SESN1: variants seen among roughly 807,000 people sequenced by gnomAD.
SESN1 encodes sestrin 1, also known as sestrin-1.
A neutral mutation model predicts 59.3 loss-of-function variants in SESN1; 30 were observed. The ratio of observed to expected loss-of-function variants is 0.51; its 90% CI spans 0.38 to 0.69. The LOEUF (loss-of-function observed/expected upper bound fraction) is 0.69, where lower values mean the gene tolerates loss of function less well. SESN1 is among the 30% of genes least tolerant of loss of function. The pLI is 0.00. For synonymous variants in SESN1, 197 were observed against 219.9 expected (o/e 0.90, Z 0.92); for missense variants, 566 against 673.0 (o/e 0.84, Z 1.76).
intron 1 of SESN1, among the ~76,000 whole-genome samples, chr6:109,089,059 A>ATT (rs573316211): frequency 3.4e-4 from 49 of 144,510 alleles, no homozygotes; most frequent in Admixed American, 3.0e-3. Context: ...CAATGTGTCC[A>ATT]TTTTTTTTTT....
Position 108,994,449 on chromosome 6 carries a change from T to C in SESN1, c.1120+13A>G, listed in dbSNP as rs781671854. 3.9e-5 allele frequency: 63 copies of C among 1,603,832 alleles called. No homozygotes were observed. The highest frequency in any genetic ancestry group is 5.3e-5 in the Non-Finnish European group (62 of 1,174,060). ...TGCAATAATTATATTGACTATATAA[T>C]GGTTGTTCTTACCTGAAGAGAAGAC... On this transcript the variant is annotated intron_variant, in intron 6 of 9. Coordinates refer to ENST00000436639, the MANE Select transcript of SESN1 (RefSeq NM_014454.3).
intron 2 of SESN1, 59 bp from the exon 3 acceptor site, chr6:109,001,547 A>C: frequency 7.2e-7 from 1 of 1,398,018 alleles, no homozygotes. Context: ...AAGGGAAGAA[A>C]ATATACATGC....
chr6:109,002,388 A>T (rs1309692849), intron 1 of SESN1, 45 bp from the exon 2 acceptor site: 4 of 1,480,002 alleles, frequency 2.7e-6, no homozygotes, highest in Middle Eastern at 3.4e-4. Flanking sequence ...GCAGTAAACA[A>T]AATGAACTGA....
chr6:109,087,765 G>A (rs1449950338), intron 1 of SESN1, among the ~76,000 whole-genome samples: 3 of 152,086 alleles, frequency 2.0e-5, no homozygotes, highest in African/African-American at 7.2e-5. Context: ...TCTCCAATCT[G>A]TTATATTTTA....
chr6:109,020,189 T>C (rs1255127631), intron 1 of SESN1, among the ~76,000 whole-genome samples: 1 of 152,210 alleles, frequency 6.6e-6, no homozygotes, highest in Non-Finnish European at 1.5e-5. Context: ...CTTCTTTTTT[T>C]CTTTTTTTTA....
chr6:108,992,912 G>C lies in SESN1; in HGVS notation c.1121-13C>G. 6.5e-7 allele frequency: 1 copy of C among 1,550,248 alleles called. No individual in the cohort carries two copies. The highest frequency in any genetic ancestry group is 8.9e-7 in the Non-Finnish European group (1 of 1,124,772). On this transcript the variant is annotated splice_polypyrimidine_tract_variant and intron_variant, in intron 6 of 9. Coordinates refer to ENST00000436639, the MANE Select transcript of SESN1 (RefSeq NM_014454.3). ...ACTTCTTCATCATCTGGGAAAAAAG[G>C]CCATTGAAAGGTTTTTAAAAATAGG...
chr6:109,040,874 A>C (rs1011526969), intron 1 of SESN1, among the ~76,000 whole-genome samples: 3 of 151,844 alleles, frequency 2.0e-5, no homozygotes, highest in Non-Finnish European at 4.4e-5. Context: ...GGATGGTCTC[A>C]ATCTCCTGAC....
intron 1 of SESN1, among the ~76,000 whole-genome samples, chr6:109,051,551 GA>G (rs1780542348): frequency 6.6e-6 from 1 of 152,132 alleles, no homozygotes; most frequent in African/African-American, 2.4e-5. Context: ...TCTAAAGTAT[GA>G]AAAACACTTA....
chr6:109,009,052 TTTAC>T, intron 1 of SESN1: 1 of 951,622 alleles, frequency 1.1e-6, no homozygotes, highest in Non-Finnish European at 1.3e-6. Context: ...GACAATGTTA[TTTAC>T]GTATTGGAGA....
intron 1 of SESN1, among the ~76,000 whole-genome samples, chr6:109,061,378 T>C (rs1171307299): frequency 2.0e-5 from 3 of 152,228 alleles, no homozygotes; most frequent in African/African-American, 7.2e-5. Context: ...ATTTTAAATT[T>C]TGAACACTTT....
chr6:109,080,653 T>C (rs1781106083), intron 1 of SESN1, among the ~76,000 whole-genome samples: 1 of 152,222 alleles, frequency 6.6e-6, no homozygotes, highest in Non-Finnish European at 1.5e-5. Flanking sequence ...GAAAGTAATA[T>C]ATTTTTACTG....
intron 1 of SESN1, among the ~76,000 whole-genome samples, chr6:109,022,112 CCTTTCTT>C (rs1199505246): frequency 6.6e-6 from 1 of 151,738 alleles, no homozygotes; most frequent in East Asian, 1.9e-4. Flanking sequence ...CTTCCTTTCT[CCTTTCTT>C]CTTTTAATTT....
intron 1 of SESN1, among the ~76,000 whole-genome samples, chr6:109,052,749 C>T (rs1052472485): frequency 6.6e-6 from 1 of 152,128 alleles, no homozygotes; most frequent in Admixed American, 6.5e-5. Context: ...AACTATACTA[C>T]AGGAAACATT....
chr6:108,989,257 C>T (rs1432440517), intron 8 of SESN1, among the ~76,000 whole-genome samples: 6 of 152,182 alleles, frequency 3.9e-5, no homozygotes. Context: ...CCCGCCTTGG[C>T]TTCCCAAAGT....
chr6:109,081,887 C>T (rs559810522), intron 1 of SESN1, among the ~76,000 whole-genome samples: 9 of 152,268 alleles, frequency 5.9e-5, no homozygotes, highest in African/African-American at 2.2e-4. Flanking sequence ...GGGGGAAGCA[C>T]AGTAGAAACA....
At chr6:109,090,164 T>C (rs933010523) in intron 1 of SESN1, among the ~76,000 whole-genome samples, 6 of 152,190 alleles carry the variant, frequency 3.9e-5, no homozygotes, top group Non-Finnish European at 7.4e-5. Context: ...CACAGCAACA[T>C]TGTGAGGCAG....
intron 1 of SESN1, among the ~76,000 whole-genome samples, chr6:109,054,468 G>A (rs1262854712): frequency 3.3e-5 from 5 of 152,046 alleles, no homozygotes; most frequent in Non-Finnish European, 5.9e-5. Context: ...TTTGCCCTAA[G>A]TGGAATTACT....
At chr6:109,013,767 G>A (rs530735069) in intron 1 of SESN1, among the ~76,000 whole-genome samples, 6 of 152,254 alleles carry the variant, frequency 3.9e-5, no homozygotes, top group African/African-American at 1.4e-4. Context: ...TGTGGTTTAA[G>A]CATTCTTGAA....
At chr6:109,018,511 G>A (rs1779960456) in intron 1 of SESN1, among the ~76,000 whole-genome samples, 1 of 152,178 alleles carries the variant, frequency 6.6e-6, no homozygotes, top group Non-Finnish European at 1.5e-5. Flanking sequence ...AGAGGCTCAG[G>A]CACATTTGCT....
Sources: allele counts gnomAD v4.1 joint callset (sites outside exome capture counted in the v4.1 genomes callset), GRCh38; gene constraint gnomAD v4.1.1; transcripts MANE v1.5; gene names NCBI Gene and HGNC (gene_info 2026-07-23, HGNC 2026-07-21).